The following TYW1B variants were observed in gnomAD, a reference collection of about 807,000 sequenced individuals.
TYW1B encodes tRNA-yW synthesizing protein 1 homolog B.
TYW1B carries 73 observed loss-of-function variants against 86.9 expected under a neutral mutation model. The observed-to-expected ratio is 0.84, with a 90% CI of 0.70 to 1.02. TYW1B has a LOEUF of 1.02. Ranked by LOEUF, TYW1B falls within the 50% of genes least tolerant of loss-of-function variation. TYW1B has a pLI of 0.00. For synonymous variants in TYW1B, 248 were observed against 292.8 expected (o/e 0.85, Z 1.56); for missense variants, 637 against 827.4 (o/e 0.77, Z 2.82).
At chr7:72,753,454 G>A (rs780770419) in intron 7 of TYW1B, among the ~76,000 whole-genome samples, 2 of 151,320 alleles carry the variant, frequency 1.3e-5, no homozygotes, top group Middle Eastern at 3.2e-3. Context: ...ACTATGACTC[G>A]CTGAAGGCTC....
intron 13 of TYW1B, among the ~76,000 whole-genome samples, chr7:72,604,245 T>C (rs1320331283): frequency 1.3e-5 from 2 of 152,110 alleles, no homozygotes; most frequent in Admixed American, 1.3e-4. Context: ...GGTGGATCAC[T>C]TGAGGTCAGG....
At chr7:72,773,883 G>A (rs1787907176) in intron 7 of TYW1B, among the ~76,000 whole-genome samples, 1 of 151,986 alleles carries the variant, frequency 6.6e-6, no homozygotes, top group Admixed American at 6.6e-5. Flanking sequence ...TGACCAACAT[G>A]GTGAAACCCT....
intron 11 of TYW1B, among the ~76,000 whole-genome samples, chr7:72,684,757 T>TA (rs71517355): frequency 0.78 from 118,067 of 151,914 alleles, 46,517 homozygotes; most frequent in Middle Eastern, 0.86. Flanking sequence ...TGCCTATGTA[T>TA]AAGTAAAATG....
At chr7:72,679,884 C>T (rs1359363461) in intron 11 of TYW1B, among the ~76,000 whole-genome samples, 2 of 152,184 alleles carry the variant, frequency 1.3e-5, no homozygotes, top group African/African-American at 4.8e-5. Context: ...AATCCCAGCA[C>T]TTTGGGAGGC....
At chr7:72,819,726 C>T (rs1260572851) in intron 2 of TYW1B, among the ~76,000 whole-genome samples, 1 of 152,162 alleles carries the variant, frequency 6.6e-6, no homozygotes, top group East Asian at 1.9e-4. Context: ...AGCCACTGTG[C>T]CTAGCCCAAT....
intron 11 of TYW1B, among the ~76,000 whole-genome samples, chr7:72,643,945 G>T (rs1347132043): frequency 2.0e-5 from 3 of 152,054 alleles, no homozygotes; most frequent in Admixed American, 1.3e-4. Context: ...TTAAAAGAAA[G>T]AAAATGACAG....
At chr7:72,689,283 C>T (rs1428589520) in intron 11 of TYW1B, among the ~76,000 whole-genome samples, 1 of 152,146 alleles carries the variant, frequency 6.6e-6, no homozygotes, top group African/African-American at 2.4e-5. Context: ...TCATCGACTA[C>T]AAGAAACTCT....
intron 6 of TYW1B, among the ~76,000 whole-genome samples, chr7:72,782,401 A>G (rs1788064387): frequency 6.6e-6 from 1 of 152,222 alleles, no homozygotes; most frequent in Admixed American, 6.5e-5. Context: ...AACAAGGCCG[A>G]AAACTGATTT....
At chr7:72,684,063 T>G (rs1275035270) in intron 11 of TYW1B, among the ~76,000 whole-genome samples, 3 of 152,030 alleles carry the variant, frequency 2.0e-5, no homozygotes, top group African/African-American at 7.2e-5. Flanking sequence ...TAAACCAGAA[T>G]GGAATATTCA....
At chr7:72,671,640 C>T (rs1813603302) in intron 11 of TYW1B, among the ~76,000 whole-genome samples, 1 of 152,100 alleles carries the variant, frequency 6.6e-6, no homozygotes, top group Admixed American at 6.6e-5. Flanking sequence ...TATTTAAGGG[C>T]TGTGTGGATT....
chr7:72,783,476 T>C (rs1309027699), intron 6 of TYW1B, among the ~76,000 whole-genome samples: 2 of 151,960 alleles, frequency 1.3e-5, no homozygotes, highest in African/African-American at 4.8e-5. Flanking sequence ...ATCATATCAC[T>C]GAAAAGGAGT....
chr7:72,691,857 G>A (rs1196699454), intron 11 of TYW1B, among the ~76,000 whole-genome samples: 1 of 152,060 alleles, frequency 6.6e-6, no homozygotes, highest in Admixed American at 6.6e-5. Context: ...CTGGACAACT[G>A]GTAAAACACA....
At chr7:72,762,911 T>C (rs1787708627) in intron 7 of TYW1B, among the ~76,000 whole-genome samples, 2 of 152,122 alleles carry the variant, frequency 1.3e-5, no homozygotes, top group South Asian at 2.1e-4. Context: ...CCATCTGCCA[T>C]GGCCTCCCAA....
intron 11 of TYW1B, among the ~76,000 whole-genome samples, chr7:72,649,801 A>G (rs1701510915): frequency 6.6e-6 from 1 of 152,192 alleles, no homozygotes; most frequent in Non-Finnish European, 1.5e-5. Flanking sequence ...ACCAATCTAC[A>G]AGTTCCCAAA....
chr7:72,633,703 C>T (rs1235862451), intron 11 of TYW1B, among the ~76,000 whole-genome samples: 1 of 152,006 alleles, frequency 6.6e-6, no homozygotes, highest in Non-Finnish European at 1.5e-5. Flanking sequence ...TATCACTCAA[C>T]ACTGTGTTTA....
intron 7 of TYW1B, among the ~76,000 whole-genome samples, chr7:72,752,487 T>C (rs1267770606): frequency 3.3e-5 from 5 of 151,978 alleles, no homozygotes; most frequent in Admixed American, 6.6e-5. Flanking sequence ...TCCCAACACT[T>C]TGGGAGCCCG....
intron 7 of TYW1B, among the ~76,000 whole-genome samples, chr7:72,755,891 C>T (rs1182841633): frequency 6.6e-6 from 1 of 152,076 alleles, no homozygotes; most frequent in African/African-American, 2.4e-5. Context: ...GAAGGACCAC[C>T]AAGGTAAATG....
intron 11 of TYW1B, among the ~76,000 whole-genome samples, chr7:72,652,377 GAAAAAAAAAAA>G (rs1169791430): frequency 0.032 from 1,011 of 31,320 alleles, 18 homozygotes; most frequent in African/African-American, 0.081. Flanking sequence ...GACTCTGTCT[GAAAAAAAAAAA>G]AAAAAAAAAA....
intron 7 of TYW1B, among the ~76,000 whole-genome samples, chr7:72,761,081 G>C (rs369319474): frequency 6.6e-6 from 1 of 152,128 alleles, no homozygotes; most frequent in East Asian, 1.9e-4. Context: ...TTACACCAAT[G>C]TAAATGGGAT....
Sources: gnomAD v4.1 joint callset for allele counts (sites outside exome capture counted in the v4.1 genomes callset) on GRCh38, gnomAD v4.1.1 for gene constraint, MANE v1.5 for transcripts, NCBI Gene and HGNC (gene_info 2026-07-23, HGNC 2026-07-21) for gene names.